The following CNGB3 variants were observed in gnomAD, a reference collection of about 807,000 sequenced individuals.
CNGB3 encodes cyclic nucleotide gated channel subunit beta 3.
Under a neutral mutation model 92.8 loss-of-function variants are expected in CNGB3, and 86 were observed. The ratio of observed to expected loss-of-function variants is 0.93; its 90% CI spans 0.78 to 1.11. CNGB3 has a LOEUF of 1.11. Ranked by LOEUF, CNGB3 falls within the 50% of genes least tolerant of loss-of-function variation. CNGB3 has a pLI of 0.00. For synonymous variants in CNGB3, 333 were observed against 332.7 expected, an observed-to-expected ratio of 1.00 and a Z score of -0.01; for missense variants, 1,026 against 956.8, an observed-to-expected ratio of 1.07 and a Z score of -0.95.
At chr8:86,695,981 G>C (rs534677508) in intron 3 of CNGB3, among the ~76,000 whole-genome samples, 6 of 152,236 alleles carry the variant, frequency 3.9e-5, no homozygotes, top group Middle Eastern at 3.4e-3. Context: ...TGTCTGAAAA[G>C]TGTCCTGTGA....
chr8:86,622,558 C>A (rs1188001825), intron 13 of CNGB3, among the ~76,000 whole-genome samples: 1 of 152,148 alleles, frequency 6.6e-6, no homozygotes, highest in East Asian at 1.9e-4. Flanking sequence ...ATCTCCTCAT[C>A]CCCATTCACC....
chr8:86,625,315 T>C (rs1364204514), intron 13 of CNGB3, among the ~76,000 whole-genome samples: 1 of 152,166 alleles, frequency 6.6e-6, no homozygotes, highest in African/African-American at 2.4e-5. Flanking sequence ...GTGGCTAAAG[T>C]GGTGCCTGAA....
At chr8:86,728,581 A>T (rs1196753543) in intron 2 of CNGB3, among the ~76,000 whole-genome samples, 1 of 152,192 alleles carries the variant, frequency 6.6e-6, no homozygotes, top group Non-Finnish European at 1.5e-5. Flanking sequence ...AAACACTTGG[A>T]CAATTACTGT....
chr8:86,690,637 C>T (rs1415418838), intron 3 of CNGB3, among the ~76,000 whole-genome samples: 2 of 152,076 alleles, frequency 1.3e-5, no homozygotes, highest in African/African-American at 2.4e-5. Context: ...CTTGCCCATG[C>T]CTATGTCCTG....
chr8:86,647,312 G>T (rs1823308005), intron 8 of CNGB3, among the ~76,000 whole-genome samples: 1 of 150,834 alleles, frequency 6.6e-6, no homozygotes, highest in African/African-American at 2.4e-5. Context: ...GTGAAAGTAT[G>T]TGCTCACATA....
At chr8:86,631,729 C>T (rs985681374) in intron 11 of CNGB3, among the ~76,000 whole-genome samples, 2 of 152,072 alleles carry the variant, frequency 1.3e-5, no homozygotes, top group Non-Finnish European at 2.9e-5. Flanking sequence ...CTTCCTAAAC[C>T]TAAATATTTT....
At position 86,666,956 on chromosome 8, in the gene CNGB3, C is replaced by G. The variant is rs769850965; in HGVS notation, c.821G>C (p.Arg274Thr). ...YLYDMLFIQP[R>T]LQFVRGGDII... The stretch of plus-strand genomic sequence containing the variant: ...GTCTCCTCCTCTTACAAACTGGAGT[C>G]TGGGCTGGATAAATAGCATATCATA... Residue 274 changes from arginine (R) to threonine (T), a missense_variant, in exon 6 of 18, where the codon AGA (arginine) becomes ACA (threonine). Transcript: ENST00000320005. The G allele has an allele frequency of 6.2e-7, 1 of 1,612,812 alleles. No individual in the cohort carries two copies.
At chr8:86,641,459 T>A (rs1823184984) in intron 10 of CNGB3, among the ~76,000 whole-genome samples, 1 of 151,988 alleles carries the variant, frequency 6.6e-6, no homozygotes, top group African/African-American at 2.4e-5. Context: ...AACCCTCTCT[T>A]GGGGTCTGGA....
intron 6 of CNGB3, among the ~76,000 whole-genome samples, chr8:86,655,833 A>G (rs567824748): frequency 5.7e-4 from 87 of 152,286 alleles, no homozygotes; most frequent in African/African-American, 2.0e-3. Context: ...AATTAATTTG[A>G]ATATTGGACT....
intron 15 of CNGB3, among the ~76,000 whole-genome samples, chr8:86,594,976 C>G (rs1347572625): frequency 6.6e-6 from 1 of 152,146 alleles, no homozygotes; most frequent in Non-Finnish European, 1.5e-5. Flanking sequence ...GCCACCTGAG[C>G]CTCCCAAAGT....
chr8:86,589,919 G>A (rs1821988920), intron 15 of CNGB3, among the ~76,000 whole-genome samples: 1 of 151,376 alleles, frequency 6.6e-6, no homozygotes, highest in Admixed American at 6.6e-5. Context: ...TCGTTGATCT[G>A]TCTAATGTTG....
At chr8:86,613,985 A>G (rs1472745340) in intron 13 of CNGB3, among the ~76,000 whole-genome samples, 1 of 148,958 alleles carries the variant, frequency 6.7e-6, no homozygotes, top group Non-Finnish European at 1.5e-5. Context: ...TTATATACAT[A>G]TAAAATAGAA....
chr8:86,694,195 C>T (rs1824390153), intron 3 of CNGB3, among the ~76,000 whole-genome samples: 1 of 139,372 alleles, frequency 7.2e-6, no homozygotes, highest in African/African-American at 2.7e-5. Flanking sequence ...CCACCTCCCT[C>T]CCGGACGGGG....
At chr8:86,695,527 A>G (rs1292693141) in intron 3 of CNGB3, among the ~76,000 whole-genome samples, 1 of 151,894 alleles carries the variant, frequency 6.6e-6, no homozygotes, top group Non-Finnish European at 1.5e-5. Flanking sequence ...TCTTTTCTTT[A>G]CGATATCTAT....
At chr8:86,661,943 G>A in intron 6 of CNGB3, 1 of 663,554 alleles carries the variant, frequency 1.5e-6, no homozygotes, top group Non-Finnish European at 2.8e-6. Context: ...CACGAGAAGA[G>A]GCTCAACCCA....
In CNGB3 at chr8:86,644,677, A is replaced by C. The variant is rs765179358; in HGVS notation, c.1000T>G (p.Phe334Val). The change falls in exon 9 of 18, where the codon TTT becomes GTT. Residue 334 changes from phenylalanine (F) to valine (V), a missense_variant. Coordinates refer to ENST00000320005, the MANE Select transcript of CNGB3 (RefSeq NM_019098.5). Reference protein sequence around the residue: ...RANRMLKYTSFFEFNHHLESI... With the variant: ...RANRMLKYTSVFEFNHHLESI... ...TCTAGGTGATGATTAAATTCAAAAA[A>C]TGAAGTGTACTATATAGAAAAGCAA... 2 of 1,589,166 alleles carry C rather than the reference A, an allele frequency of 1.3e-6. No homozygotes were observed. The highest frequency in any genetic ancestry group is 1.1e-5 in the South Asian group (1 of 88,436).
At chr8:86,615,116 T>G (rs1328395556) in intron 13 of CNGB3, among the ~76,000 whole-genome samples, 1 of 152,086 alleles carries the variant, frequency 6.6e-6, no homozygotes, top group African/African-American at 2.4e-5. Context: ...CAGGAGGATG[T>G]GGGTAGGTGA....
At chr8:86,585,194 A>G (rs1360914022) in intron 15 of CNGB3, among the ~76,000 whole-genome samples, 1 of 152,192 alleles carries the variant, frequency 6.6e-6, no homozygotes, top group Non-Finnish European at 1.5e-5. Context: ...TAACTTGTAT[A>G]TGCAAAACTC....
chr8:86,610,819 C>T (rs1405785722), intron 14 of CNGB3, among the ~76,000 whole-genome samples: 1 of 152,054 alleles, frequency 6.6e-6, no homozygotes, highest in African/African-American at 2.4e-5. Flanking sequence ...AAATATTTAT[C>T]TGAGGGGATG....
Sources: gnomAD v4.1 joint callset for allele counts (sites outside exome capture counted in the v4.1 genomes callset) on GRCh38, gnomAD v4.1.1 for gene constraint, MANE v1.5 for transcripts, NCBI Gene and HGNC (gene_info 2026-07-23, HGNC 2026-07-21) for gene names.